C12orf56: variants seen among roughly 807,000 people sequenced by gnomAD.
C12orf56 encodes the protein chromosome 12 open reading frame 56.
Under a neutral mutation model 69.9 loss-of-function variants are expected in C12orf56, and 71 were observed. The ratio of observed to expected loss-of-function variants is 1.02; its 90% CI spans 0.84 to 1.24. The LOEUF is 1.24. C12orf56 is among the 50% of genes most tolerant of loss of function. C12orf56 has a pLI of 0.00. For synonymous variants in C12orf56, 276 were observed against 274.1 expected, an observed-to-expected ratio of 1.01 and a Z score of -0.07; for missense variants, 732 against 738.5, an observed-to-expected ratio of 0.99 and a Z score of 0.10.
intron 5 of C12orf56, among the ~76,000 whole-genome samples, chr12:64,312,014 G>A (rs1009379704): frequency 1.3e-5 from 2 of 152,166 alleles, no homozygotes; most frequent in Non-Finnish European, 2.9e-5. Context: ...TAAGGCATGT[G>A]ATGACTGGCT....
At chr12:64,343,480 A>G (rs2039101124) in intron 2 of C12orf56, among the ~76,000 whole-genome samples, 1 of 152,214 alleles carries the variant, frequency 6.6e-6, no homozygotes, top group Non-Finnish European at 1.5e-5. Context: ...CTAGCTGAAG[A>G]CAAATTACTT....
chr12:64,388,551 TA>T (rs1344500606), intron 1 of C12orf56, among the ~76,000 whole-genome samples: 1 of 152,160 alleles, frequency 6.6e-6, no homozygotes, highest in Non-Finnish European at 1.5e-5. Flanking sequence ...TCTAAAGTTT[TA>T]AAAAACACTT....
At chr12:64,297,938 C>G (rs1281792309) in intron 6 of C12orf56, among the ~76,000 whole-genome samples, 1 of 152,134 alleles carries the variant, frequency 6.6e-6, no homozygotes, top group African/African-American at 2.4e-5. Context: ...ATTTCTAGTT[C>G]TAGGTCCTTG....
chr12:64,318,451 C>A (rs1466114175), intron 4 of C12orf56, 124 bp downstream of exon 4: 14 of 824,652 alleles, frequency 1.7e-5, no homozygotes, highest in Non-Finnish European at 1.8e-6. Context: ...TTGTTTTTCA[C>A]AATATTATTA....
intron 1 of C12orf56, among the ~76,000 whole-genome samples, chr12:64,360,632 C>G (rs1285505461): frequency 6.6e-6 from 1 of 152,104 alleles, no homozygotes; most frequent in Admixed American, 6.6e-5. Context: ...TTCTATTTTG[C>G]ATGGCTATTT....
rs1407154890 is a variant in C12orf56 at position 64,366,257 on chromosome 12, TAA to T, written c.253-13203_253-13202del. Among the ~76,000 whole-genome samples the T allele has an allele frequency of 3.1e-4, 36 of 116,808 alleles. 3 individuals are homozygous for T. Among genetic ancestry groups the T allele is most frequent in the African/African-American group, 1.1e-3 (30 of 28,386 alleles). The allele number at this position is 116,808 out of a possible 152,430, so 76.6% of individuals were successfully genotyped here. ...TAATATACAGTTTATATATTATATATAATATACAGTTTATATATTATATATAA... is the reference window on the plus strand; with the variant it reads ...TAATATACAGTTTATATATTATATATTATACAGTTTATATATTATATATAA... On this transcript the variant is annotated intron_variant, in intron 1 of 12. Coordinates refer to ENST00000543942, the MANE Select transcript of C12orf56 (RefSeq NM_001170633.2).
At chr12:64,309,667 C>T (rs1374421122) in intron 5 of C12orf56, among the ~76,000 whole-genome samples, 1 of 152,034 alleles carries the variant, frequency 6.6e-6, no homozygotes, top group Non-Finnish European at 1.5e-5. Context: ...TGTGCCACCA[C>T]ACCAGGCTAA....
At chr12:64,270,164 G>A (rs1274495410) in intron 12 of C12orf56, among the ~76,000 whole-genome samples, 10 of 152,022 alleles carry the variant, frequency 6.6e-5, no homozygotes, top group Non-Finnish European at 5.9e-5. Flanking sequence ...TTGGGAGGCT[G>A]AGGTGGGTGG....
At chr12:64,295,714 T>C (rs2038356461) in intron 6 of C12orf56, among the ~76,000 whole-genome samples, 1 of 151,272 alleles carries the variant, frequency 6.6e-6, no homozygotes, top group East Asian at 1.9e-4. Flanking sequence ...AATTTTACCT[T>C]CAAGAAAATT....
chr12:64,287,052 C>A (rs1476621906), intron 6 of C12orf56, among the ~76,000 whole-genome samples: 1 of 151,964 alleles, frequency 6.6e-6, no homozygotes, highest in African/African-American at 2.4e-5. Flanking sequence ...GCCTGGCCAA[C>A]GTGGCAAAAC....
chr12:64,297,610 AC>A (rs1565743456), intron 6 of C12orf56, among the ~76,000 whole-genome samples: 1 of 152,006 alleles, frequency 6.6e-6, no homozygotes. Context: ...TTCAACTCCC[AC>A]TTATGAATGA....
At chr12:64,272,202 T>A (rs10784391) in intron 11 of C12orf56, among the ~76,000 whole-genome samples, 106,902 of 151,046 alleles carry the variant, frequency 0.71, 38,795 homozygotes, top group Non-Finnish European at 0.8. Context: ...TTTTTAAAAA[T>A]TTTTTAAAAT....
At chr12:64,376,513 G>A (rs915408872) in intron 1 of C12orf56, among the ~76,000 whole-genome samples, 3 of 152,074 alleles carry the variant, frequency 2.0e-5, no homozygotes, top group East Asian at 1.9e-4. Context: ...AGATAAATCC[G>A]TGCCATGGTG....
chr12:64,294,542 T>C (rs1048493079), intron 6 of C12orf56, among the ~76,000 whole-genome samples: 3 of 152,162 alleles, frequency 2.0e-5, no homozygotes, highest in Non-Finnish European at 2.9e-5. Context: ...GGATTAAACT[T>C]GAGAACATTA....
At chr12:64,390,231 C>A in intron 1 of C12orf56, 83 bp downstream of exon 1, 2 of 1,458,834 alleles carry the variant, frequency 1.4e-6, no homozygotes, top group East Asian at 2.5e-5. Context: ...CAGCCCTCCC[C>A]GCGCAGGAGG....
chr12:64,279,451 G>C (rs1225094661), intron 8 of C12orf56, among the ~76,000 whole-genome samples: 1 of 152,210 alleles, frequency 6.6e-6, no homozygotes. Context: ...TGTCAGAGTA[G>C]ATTTGAGGGG....
chr12:64,386,919 A>G (rs1374137163), intron 1 of C12orf56, among the ~76,000 whole-genome samples: 6 of 149,242 alleles, frequency 4.0e-5, no homozygotes, highest in Admixed American at 2.0e-4. Flanking sequence ...TCTCTACTAA[A>G]ACTACAAAAA....
intron 1 of C12orf56, among the ~76,000 whole-genome samples, chr12:64,376,512 C>T (rs1264669927): frequency 2.6e-5 from 4 of 152,092 alleles, no homozygotes; most frequent in Non-Finnish European, 5.9e-5. Flanking sequence ...TAGATAAATC[C>T]GTGCCATGGT....
At chr12:64,327,101 C>A (rs1203595525) in intron 3 of C12orf56, among the ~76,000 whole-genome samples, 1 of 152,224 alleles carries the variant, frequency 6.6e-6, no homozygotes, top group African/African-American at 2.4e-5. Context: ...CCTAGGAACT[C>A]CGCTGAGTGT....
Sources: allele counts gnomAD v4.1 joint callset (sites outside exome capture counted in the v4.1 genomes callset), GRCh38; gene constraint gnomAD v4.1.1; transcripts MANE v1.5; gene names NCBI Gene and HGNC (gene_info 2026-07-23, HGNC 2026-07-21).